Variants in GALNT13 observed in about 807,000 individuals in gnomAD.
GALNT13 encodes polypeptide N-acetylgalactosaminyltransferase 13.
A neutral mutation model predicts 64.2 loss-of-function variants in GALNT13; 28 were observed. That is an observed-to-expected ratio of 0.44 (90% CI 0.32 to 0.60). The LOEUF (loss-of-function observed/expected upper bound fraction) is 0.60. Among genes scored for constraint, GALNT13 ranks in the 20% least tolerant of loss-of-function variants. The pLI is 0.05. For missense variants in GALNT13, 577 were observed against 669.8 expected, an observed-to-expected ratio of 0.86 and a Z score of 1.53; for synonymous variants, 214 against 224.6, an observed-to-expected ratio of 0.95 and a Z score of 0.42.
the GALNT13 span, among the ~76,000 whole-genome samples, chr2:153,202,818 T>G: frequency 1.3e-5 from 2 of 152,224 alleles, no homozygotes; most frequent in Non-Finnish European, 2.9e-5. Flanking sequence ...TTTTTGAATT[T>G]TCTACCAGTT....
chr2:153,654,295 A>G, the GALNT13 span, among the ~76,000 whole-genome samples: 3 of 152,152 alleles, frequency 2.0e-5, no homozygotes. Flanking sequence ...AACCAAATGC[A>G]ATTGTGTGGA....
chr2:154,378,444 T>C (rs147582315), intron 9 of GALNT13, among the ~76,000 whole-genome samples: 5 of 152,258 alleles, frequency 3.3e-5, no homozygotes, highest in Admixed American at 6.6e-5. Flanking sequence ...CTAGGAAATA[T>C]ATTTCAAAAC....
At chr2:153,981,427 T>C (rs113385540) in intron 3 of GALNT13, among the ~76,000 whole-genome samples, 7,220 of 152,180 alleles carry the variant, frequency 0.047, 249 homozygotes, top group Middle Eastern at 0.099. Context: ...CCAGATGTTC[T>C]CATTGTTCAA....
chr2:153,639,583 G>A, the GALNT13 span, among the ~76,000 whole-genome samples: 1 of 152,194 alleles, frequency 6.6e-6, no homozygotes, highest in Middle Eastern at 3.4e-3. Flanking sequence ...GACATCACTG[G>A]CAAAAGAGTC....
chr2:153,431,398 A>G, the GALNT13 span, among the ~76,000 whole-genome samples: 1 of 150,628 alleles, frequency 6.6e-6, no homozygotes, highest in African/African-American at 2.4e-5. Context: ...CTAATAAATG[A>G]CCATCCTAAA....
the GALNT13 span, among the ~76,000 whole-genome samples, chr2:153,488,850 A>ATTAG: frequency 6.6e-6 from 1 of 152,166 alleles, no homozygotes; most frequent in South Asian, 2.1e-4. Context: ...CTCCTCCCTT[A>ATTAG]TTAGTGGGAT....
At chr2:154,298,057 T>C (rs1170058509) in intron 8 of GALNT13, among the ~76,000 whole-genome samples, 2 of 151,984 alleles carry the variant, frequency 1.3e-5, no homozygotes, top group African/African-American at 2.4e-5. Context: ...AAATTTGAGA[T>C]TGTTGGCATG....
chr2:154,063,956 C>T (rs1353347425), intron 3 of GALNT13, among the ~76,000 whole-genome samples: 1 of 152,172 alleles, frequency 6.6e-6, no homozygotes, highest in African/African-American at 2.4e-5. Flanking sequence ...ATATTAACTT[C>T]ATGCCATTGA....
the GALNT13 span, among the ~76,000 whole-genome samples, chr2:153,535,716 G>C: frequency 2.6e-5 from 4 of 152,198 alleles, no homozygotes; most frequent in Non-Finnish European, 4.4e-5. Flanking sequence ...AGCTTGGTGA[G>C]GTGTGTTTTT....
At chr2:154,098,090 C>CT (rs10673538) in intron 3 of GALNT13, among the ~76,000 whole-genome samples, 28,699 of 134,600 alleles carry the variant, frequency 0.21, 3,619 homozygotes, top group Middle Eastern at 0.32. Flanking sequence ...GCTTGTCTTT[C>CT]TTTTTTTTTT....
chr2:154,027,345 A>G (rs562964473), intron 3 of GALNT13, among the ~76,000 whole-genome samples: 1 of 152,284 alleles, frequency 6.6e-6, no homozygotes, highest in East Asian at 1.9e-4. Context: ...ATATAGAAAC[A>G]TTGCTTTGTG....
chr2:154,311,868 G>T (rs529405135), intron 9 of GALNT13, among the ~76,000 whole-genome samples: 2 of 152,208 alleles, frequency 1.3e-5, no homozygotes, highest in Non-Finnish European at 2.9e-5. Flanking sequence ...GATTTTGAAA[G>T]AAGAGAAATA....
intron 4 of GALNT13, among the ~76,000 whole-genome samples, chr2:154,167,461 G>T (rs1376634668): frequency 1.3e-5 from 2 of 152,034 alleles, no homozygotes; most frequent in East Asian, 1.9e-4. Context: ...TATTTGAAAG[G>T]CTAAAAAAAA....
chr2:154,281,989 C>G (rs751257951), intron 8 of GALNT13, among the ~76,000 whole-genome samples: 1 of 152,084 alleles, frequency 6.6e-6, no homozygotes, highest in Non-Finnish European at 1.5e-5. Flanking sequence ...GAATTTGGGG[C>G]TTTCAGGAAC....
chr2:153,556,345 C>T, the GALNT13 span, among the ~76,000 whole-genome samples: 1 of 152,142 alleles, frequency 6.6e-6, no homozygotes, highest in East Asian at 1.9e-4. Context: ...ATAAACTTTA[C>T]ATCCTTTACA....
At chr2:154,180,629 C>A (rs1409349091) in intron 4 of GALNT13, among the ~76,000 whole-genome samples, 1 of 151,988 alleles carries the variant, frequency 6.6e-6, no homozygotes, top group Admixed American at 6.6e-5. Flanking sequence ...GCATAATAAG[C>A]GTAGTTAAAA....
intron 1 of GALNT13, among the ~76,000 whole-genome samples, chr2:153,889,396 A>C (rs1468176978): frequency 1.3e-5 from 2 of 151,878 alleles, no homozygotes; most frequent in Non-Finnish European, 2.9e-5. Context: ...CCACCCTCAA[A>C]GCCTTCCTGA....
At chr2:153,578,019 G>A in the GALNT13 span, among the ~76,000 whole-genome samples, 1 of 151,652 alleles carries the variant, frequency 6.6e-6, no homozygotes, top group African/African-American at 2.4e-5. Flanking sequence ...ATACTTTTAT[G>A]CACATGCATA....
the GALNT13 span, among the ~76,000 whole-genome samples, chr2:153,538,066 T>C: frequency 1.4e-4 from 21 of 152,130 alleles, no homozygotes; most frequent in Non-Finnish European, 2.6e-4. Context: ...TGTGGGAAAG[T>C]TTGGAACTCC....
Sources: allele counts gnomAD v4.1 joint callset (sites outside exome capture counted in the v4.1 genomes callset), GRCh38; gene constraint gnomAD v4.1.1; transcripts MANE v1.5; gene names NCBI Gene and HGNC (gene_info 2026-07-23, HGNC 2026-07-21).